Variants in ADARB1 observed in about 807,000 individuals in gnomAD.
ADARB1 encodes adenosine deaminase RNA specific B1.
Under a neutral mutation model 52.4 loss-of-function variants are expected in ADARB1, and 10 were observed. That is an observed-to-expected ratio of 0.19 (90% confidence interval 0.12 to 0.32). The LOEUF is 0.32. Ranked by LOEUF, ADARB1 falls within the 10% of genes least tolerant of loss-of-function variation. The pLI is 1.00. For missense variants in ADARB1, 643 were observed against 922.3 expected (o/e 0.70, Z 3.92); for synonymous variants, 349 against 371.1 (o/e 0.94, Z 0.68).
At chr21:45,189,574 C>T (rs1169175832) in intron 8 of ADARB1, among the ~76,000 whole-genome samples, 1 of 152,144 alleles carries the variant, frequency 6.6e-6, no homozygotes, top group African/African-American at 2.4e-5. Context: ...TATTTACTGT[C>T]TTTCTATTTC....
chr21:45,089,981 A>T (rs1340398441), intron 1 of ADARB1, among the ~76,000 whole-genome samples: 1 of 152,194 alleles, frequency 6.6e-6, no homozygotes, highest in African/African-American at 2.4e-5. Flanking sequence ...GATGGCTAGC[A>T]GGCTGCATCT....
rs576147080 is a variant in ADARB1 at position 45,168,200 on chromosome 21, T to C, written c.-47-3410T>C. 2.6e-5 allele frequency among the ~76,000 whole-genome samples: 4 copies of C among 152,336 alleles called. No homozygotes were observed. The South Asian group carries it at 6.2e-4, about 24-fold the overall frequency. Reference sequence around the variant, plus strand: ...ATTGGACTATTTGTATATTTTACTGTTGAGCTTTGAGAATTTCTTATATAT... The same window carrying C: ...ATTGGACTATTTGTATATTTTACTGCTGAGCTTTGAGAATTTCTTATATAT... On this transcript the variant is annotated intron_variant, in intron 2 of 10. Coordinates refer to ENST00000348831, the MANE Select transcript of ADARB1 (RefSeq NM_001112.4).
chr21:45,212,627 G>A (rs188401316), intron 9 of ADARB1, among the ~76,000 whole-genome samples: 40 of 152,174 alleles, frequency 2.6e-4, no homozygotes, highest in African/African-American at 6.5e-4. Flanking sequence ...AGGGAAGGAC[G>A]GTGTTGGAGC....
At chr21:45,185,134 G>A in intron 8 of ADARB1, 43 bp downstream of exon 8, 1 of 1,596,770 alleles carries the variant, frequency 6.3e-7, no homozygotes, top group Non-Finnish European at 8.6e-7. Flanking sequence ...CTGCACACAG[G>A]ATTCATCCAT....
chr21:45,162,716 G>A (rs1482065730), intron 2 of ADARB1, among the ~76,000 whole-genome samples: 1 of 152,216 alleles, frequency 6.6e-6, no homozygotes. Context: ...GCTCCTTCAT[G>A]CAGGTGCTGT....
At position 45,207,008 on chromosome 21, in the gene ADARB1, G is replaced by A. The variant is rs1222824565; in HGVS notation, c.1747+2272G>A. On this transcript the variant is annotated intron_variant, in intron 9 of 10. Coordinates refer to ENST00000348831, the MANE Select transcript of ADARB1 (RefSeq NM_001112.4). ...GTTGGAGCCATGAGGCTGCCCCTGC[G>A]TCAGCTCTGCCTCCTTGGAAGCTTC... 4.6e-5 allele frequency among the ~76,000 whole-genome samples: 7 copies of A among 152,210 alleles called. No homozygotes were observed. The East Asian group carries it at 5.8e-4, about 13-fold the overall frequency.
intron 9 of ADARB1, among the ~76,000 whole-genome samples, chr21:45,218,642 T>C (rs1429572730): frequency 6.6e-6 from 1 of 152,238 alleles, no homozygotes; most frequent in Non-Finnish European, 1.5e-5. Flanking sequence ...GGGGATCTGC[T>C]ACACTCTGCC....
At chr21:45,183,010 A>G (rs2091981760) in intron 6 of ADARB1, among the ~76,000 whole-genome samples, 1 of 152,234 alleles carries the variant, frequency 6.6e-6, no homozygotes. Context: ...TGTATGCTGT[A>G]TAAATAGAAG....
At chr21:45,136,232 C>G (rs544683486) in intron 2 of ADARB1, among the ~76,000 whole-genome samples, 1 of 152,236 alleles carries the variant, frequency 6.6e-6, no homozygotes, top group Admixed American at 6.5e-5. Context: ...GTCAGGTGCC[C>G]TCGTGCGGGA....
Position 45,182,678 on chromosome 21 carries a change from A to G in ADARB1, c.1172A>G (p.Asn391Ser). 1 of 1,612,876 alleles carries G rather than the reference A, an allele frequency of 6.2e-7. No individual in the cohort carries two copies. The highest frequency in any genetic ancestry group is 8.5e-7 in the Non-Finnish European group (1 of 1,179,594). Residue 391 changes from asparagine to serine, a missense_variant, in exon 6 of 11, where the codon AAT becomes AGT. Physicochemically the swap from Asn to Ser is conservative, Grantham distance 46 (BLOSUM62 1). Coordinates refer to ENST00000348831, the MANE Select transcript of ADARB1 (RefSeq NM_001112.4). ...ATGAGTGATCGTGGCCTTGCATTAAATGACTGCCATGCAGAAATAATATCT... is the reference window on the plus strand; with the variant it reads ...ATGAGTGATCGTGGCCTTGCATTAAGTGACTGCCATGCAGAAATAATATCT... ...EYMSDRGLAL[N>S]DCHAEIISRR... is the part of the protein sequence containing the mutation.
At chr21:45,162,345 C>G (rs1351461881) in intron 2 of ADARB1, among the ~76,000 whole-genome samples, 2 of 152,292 alleles carry the variant, frequency 1.3e-5, no homozygotes, top group South Asian at 4.1e-4. Context: ...CCCGTCTCGC[C>G]TGCCTGGCTG....
At chr21:45,216,023 G>T (rs1397913033) in intron 9 of ADARB1, among the ~76,000 whole-genome samples, 1 of 151,974 alleles carries the variant, frequency 6.6e-6, no homozygotes, top group African/African-American at 2.4e-5. Context: ...CATGTTATCT[G>T]TTTTTATCTT....
chr21:45,087,000 G>A (rs916516062), intron 1 of ADARB1, among the ~76,000 whole-genome samples: 1 of 152,160 alleles, frequency 6.6e-6, no homozygotes, highest in Non-Finnish European at 1.5e-5. Flanking sequence ...TTATAATGTC[G>A]AGCAGAAGCT....
rs570343657 is a variant in ADARB1 at position 45,121,106 on chromosome 21, C to T, written c.-219-7296C>T. On this transcript the variant is annotated intron_variant, in intron 1 of 10. Coordinates refer to ENST00000348831, the MANE Select transcript of ADARB1 (RefSeq NM_001112.4). The stretch of plus-strand genomic sequence containing the variant: ...GGCACATTCTTGACAGATTTTACTA[C>T]CGAGATTATACTGGGCTCGTAAAAC... 4 of 152,310 alleles carry T rather than the reference C, an allele frequency of 2.6e-5. No homozygotes were observed. In the South Asian group the frequency reaches 6.2e-4, roughly 24 times the overall value. 9.4% of individuals were successfully genotyped at this position (152,310 alleles called of 1,614,324 possible).
At chr21:45,123,686 G>T (rs1172693202) in intron 1 of ADARB1, among the ~76,000 whole-genome samples, 3 of 152,076 alleles carry the variant, frequency 2.0e-5, no homozygotes, top group African/African-American at 7.2e-5. Flanking sequence ...CTGCAGCCTT[G>T]AACTCCCAGG....
rs746554073 is a variant in ADARB1, at chr21:45,225,570, C to T, written c.*3373C>T. 6 of 1,337,036 alleles carry T rather than the reference C, an allele frequency of 4.5e-6. No homozygotes were observed. Among genetic ancestry groups the T allele is most frequent in the Admixed American group, 5.7e-5 (2 of 35,042 alleles). 82.8% of individuals were successfully genotyped at this position (1,337,036 alleles called of 1,614,324 possible). On this transcript the variant is annotated 3_prime_UTR_variant, in exon 11 of 11. Coordinates refer to ENST00000348831, the MANE Select transcript of ADARB1 (RefSeq NM_001112.4). ...AGGTACACTGAGGAGGGGACGGCTC[C>T]GTCTTCACATTGTGCACAGATCTGA... is the stretch of plus-strand genomic sequence containing the variant.
In ADARB1 at chr21:45,214,247, G is replaced by A. The variant is rs141417410; in HGVS notation, c.1748-6589G>A. Among the ~76,000 whole-genome samples the A allele has an allele frequency of 2.4e-3, 363 of 152,114 alleles. 2 individuals carry two copies. Among genetic ancestry groups the A allele is most frequent in the African/African-American group, 7.9e-3 (328 of 41,500 alleles). ...TGAGTTGTTTAACATCTTATTACTG[G>A]GTTTTGAGAGTTATTTATATTTTCT... On this transcript the variant is annotated intron_variant, in intron 9 of 10. Transcript: ENST00000348831.
intron 1 of ADARB1, among the ~76,000 whole-genome samples, chr21:45,081,430 T>C (rs1203714116): frequency 6.6e-6 from 1 of 152,224 alleles, no homozygotes; most frequent in African/African-American, 2.4e-5. Flanking sequence ...TTAAGTACTT[T>C]GTTATAAAAT....
chr21:45,100,393 T>G (rs1312210844), intron 1 of ADARB1: 2 of 152,252 alleles, frequency 1.3e-5, no homozygotes, highest in Non-Finnish European at 2.9e-5. Flanking sequence ...CCTAGAGAAC[T>G]CTGCAAGGCT....
Sources: gnomAD v4.1 joint callset for allele counts (sites outside exome capture counted in the v4.1 genomes callset) on GRCh38, gnomAD v4.1.1 for gene constraint, MANE v1.5 for transcripts, NCBI Gene and HGNC (gene_info 2026-07-23, HGNC 2026-07-21) for gene names.